Variants in ARHGEF4 observed in about 807,000 individuals in gnomAD.
ARHGEF4 encodes the protein APC-stimulated guanine nucleotide exchange factor 1.
In ARHGEF4, 119 loss-of-function variants were observed where a neutral mutation model predicts 162.0. That is an observed-to-expected ratio of 0.73 (90% CI 0.63 to 0.86). The LOEUF is 0.86. Among genes scored for constraint, ARHGEF4 ranks in the 40% least tolerant of loss-of-function variants. ARHGEF4 has a pLI of 0.00. For synonymous variants in ARHGEF4, 1,014 were observed against 979.9 expected, an observed-to-expected ratio of 1.03 and a Z score of -0.65; for missense variants, 2,488 against 2,456.0, an observed-to-expected ratio of 1.01 and a Z score of -0.28.
chr2:131,028,982 G>T (rs947639021), intron 5 of ARHGEF4, among the ~76,000 whole-genome samples: 16 of 152,166 alleles, frequency 1.1e-4, no homozygotes, highest in African/African-American at 3.6e-4. Flanking sequence ...GAGGAGGGTG[G>T]CGTCCTCCTT....
chr2:130,921,053 T>G (rs1002579787), intron 2 of ARHGEF4, among the ~76,000 whole-genome samples: 21 of 152,026 alleles, frequency 1.4e-4, no homozygotes, highest in African/African-American at 3.4e-4. Context: ...ATGCCCCATC[T>G]CATGGTGTTC....
chr2:130,870,159 C>G (rs2104929370), intron 1 of ARHGEF4, among the ~76,000 whole-genome samples: 1 of 152,276 alleles, frequency 6.6e-6, no homozygotes, highest in East Asian at 1.9e-4. Context: ...GGAGGCCTGC[C>G]CACTGTTTCT....
intron 1 of ARHGEF4, among the ~76,000 whole-genome samples, chr2:130,840,823 G>A (rs890470065): frequency 5.3e-5 from 8 of 152,176 alleles, no homozygotes; most frequent in African/African-American, 1.9e-4. Context: ...CAATGGTGCC[G>A]GGAGGTCCAG....
rs148924797 is a variant in ARHGEF4, at chr2:130,843,217, C to T, written c.39+6225C>T. Reference sequence around the variant, plus strand: ...CATGGTGTATGACTGAGAAATTTTCCAGGACTCACTTGGCCCCTCCACATT... The same window carrying T: ...CATGGTGTATGACTGAGAAATTTTCTAGGACTCACTTGGCCCCTCCACATT... On this transcript the variant is annotated intron_variant, in intron 1 of 13. Transcript: ENST00000409359. Among the ~76,000 whole-genome samples, 295 of 152,308 alleles carry T rather than the reference C, an allele frequency of 1.9e-3. 2 individuals carry two copies. Among genetic ancestry groups the T allele is most frequent in the African/African-American group, 7.0e-3 (291 of 41,574 alleles).
intron 4 of ARHGEF4, among the ~76,000 whole-genome samples, chr2:130,985,337 A>G (rs72614451): frequency 0.024 from 3,599 of 152,284 alleles, 146 homozygotes; most frequent in East Asian, 0.2. Context: ...ATCTGTTACC[A>G]AAACACCAGG....
At chr2:130,867,912 T>C (rs1682402442) in intron 1 of ARHGEF4, among the ~76,000 whole-genome samples, 1 of 151,046 alleles carries the variant, frequency 6.6e-6, no homozygotes, top group Non-Finnish European at 1.5e-5. Flanking sequence ...GCAAGGTGGA[T>C]GTGTTTTTTT....
chr2:130,894,791 G>T (rs868455871), intron 1 of ARHGEF4, among the ~76,000 whole-genome samples: 7 of 152,032 alleles, frequency 4.6e-5, no homozygotes, highest in African/African-American at 1.7e-4. Flanking sequence ...CGGGAGGTTG[G>T]GCAGTCCCCA....
At chr2:130,848,001 G>A (rs1055125317) in intron 1 of ARHGEF4, among the ~76,000 whole-genome samples, 18 of 152,224 alleles carry the variant, frequency 1.2e-4, no homozygotes, top group African/African-American at 3.6e-4. Context: ...TGGAGGCCAC[G>A]GGTGTGAGGG....
At chr2:130,912,752 A>G (rs1681266616) in intron 1 of ARHGEF4, among the ~76,000 whole-genome samples, 1 of 152,086 alleles carries the variant, frequency 6.6e-6, no homozygotes, top group Non-Finnish European at 1.5e-5. Flanking sequence ...AAGTCATTGT[A>G]TGTACTGAGA....
intron 4 of ARHGEF4, among the ~76,000 whole-genome samples, chr2:130,961,217 A>C (rs62178904): frequency 0.042 from 6,390 of 152,330 alleles, 147 homozygotes; most frequent in Middle Eastern, 0.071. Context: ...CCCTGGACAC[A>C]GTGATGGGTA....
intron 4 of ARHGEF4, among the ~76,000 whole-genome samples, chr2:130,985,565 T>C (rs978240391): frequency 1.2e-4 from 18 of 151,342 alleles, no homozygotes; most frequent in African/African-American, 3.6e-4. Flanking sequence ...AGGAGGCATC[T>C]GGGGGGGTGA....
At chr2:130,975,046 G>T (rs1685611100) in intron 4 of ARHGEF4, among the ~76,000 whole-genome samples, 1 of 151,558 alleles carries the variant, frequency 6.6e-6, no homozygotes, top group Admixed American at 6.6e-5. Flanking sequence ...TTTTTTAAGA[G>T]CAGCGTCTGT....
chr2:130,993,081 AAAAAC>A (rs1176214102), intron 4 of ARHGEF4, among the ~76,000 whole-genome samples: 4 of 152,316 alleles, frequency 2.6e-5, no homozygotes, highest in Non-Finnish European at 4.4e-5. Context: ...AAGACTGTTC[AAAAAC>A]AAAACAAAAC....
chr2:131,014,102 A>G (rs746671701), intron 4 of ARHGEF4, among the ~76,000 whole-genome samples: 1 of 152,188 alleles, frequency 6.6e-6, no homozygotes, highest in African/African-American at 2.4e-5. Flanking sequence ...ACAGTGTTGT[A>G]TTGATTTGCC....
chr2:130,930,129 G>A (rs937366799), intron 2 of ARHGEF4, among the ~76,000 whole-genome samples: 6 of 152,066 alleles, frequency 3.9e-5, no homozygotes, highest in Admixed American at 2.6e-4. Flanking sequence ...TCCTGACCTC[G>A]TGATCTGCCC....
At chr2:130,970,504 G>A (rs956553560) in intron 4 of ARHGEF4, among the ~76,000 whole-genome samples, 1 of 149,928 alleles carries the variant, frequency 6.7e-6, no homozygotes. Flanking sequence ...CAGGAGAATC[G>A]CTTGAACCCG....
At chr2:130,973,836 T>C (rs1262175521) in intron 4 of ARHGEF4, among the ~76,000 whole-genome samples, 1 of 152,230 alleles carries the variant, frequency 6.6e-6, no homozygotes, top group Non-Finnish European at 1.5e-5. Flanking sequence ...AGATGATTTA[T>C]ACTTTCCAGG....
intron 12 of ARHGEF4, 120 bp downstream of exon 12, chr2:131,044,662 G>A: frequency 7.4e-7 from 1 of 1,351,062 alleles, no homozygotes; most frequent in South Asian, 1.5e-5. Context: ...GGTGTAGCAA[G>A]GCTCCAGGCA....
chr2:130,971,324 ATTC>A (rs1264193168), intron 4 of ARHGEF4, among the ~76,000 whole-genome samples: 3 of 152,082 alleles, frequency 2.0e-5, no homozygotes, highest in Admixed American at 6.6e-5. Context: ...CATTGTTTTA[ATTC>A]TTCTTCTTTT....
Sources: gnomAD v4.1 joint callset for allele counts (sites outside exome capture counted in the v4.1 genomes callset) on GRCh38, gnomAD v4.1.1 for gene constraint, MANE v1.5 for transcripts, NCBI Gene and HGNC (gene_info 2026-07-23, HGNC 2026-07-21) for gene names.